The following CCDC47 variants were observed in gnomAD, a reference collection of about 807,000 sequenced individuals.
The protein encoded by CCDC47 is PAT complex subunit CCDC47.
In CCDC47, 41 loss-of-function variants were observed where a neutral mutation model predicts 60.5. That is an observed-to-expected ratio of 0.68 (90% CI 0.53 to 0.88). The LOEUF is 0.88. CCDC47 is among the 40% of genes least tolerant of loss of function. The pLI is 0.00. For synonymous variants in CCDC47, 195 were observed against 190.7 expected, an observed-to-expected ratio of 1.02 and a Z score of -0.18; for missense variants, 513 against 580.9, an observed-to-expected ratio of 0.88 and a Z score of 1.20.
chr17:63,746,661 G>A lies in CCDC47; in HGVS notation c.*220C>T. On this transcript the variant is annotated 3_prime_UTR_variant, in exon 13 of 13. Coordinates refer to ENST00000225726, the MANE Select transcript of CCDC47 (RefSeq NM_020198.3). The stretch of plus-strand genomic sequence containing the variant: ...TTTTATAAAATAATCAAAATAATTT[G>A]ATTATCTGGAAAAAAAAATTCTTGA... 2.3e-6 allele frequency: 1 copy of A among 426,774 alleles called. No homozygotes were observed. Among genetic ancestry groups the A allele is most frequent in the Non-Finnish European group, 4.2e-6 (1 of 238,184 alleles). 26.4% of individuals were successfully genotyped at this position (426,774 alleles called of 1,614,324 possible). A position where few individuals can be genotyped will look rare whatever the true frequency, so the allele number is the denominator to read the frequency against.
chr17:63,766,637 T>C (rs2039299976), intron 1 of CCDC47: 1 of 166,210 alleles, frequency 6.0e-6, no homozygotes, highest in Admixed American at 6.5e-5. Flanking sequence ...TTGGCCAGGC[T>C]AGTTGTGAAC....
At chr17:63,747,977 C>T (rs11651586) in intron 12 of CCDC47, 37,465 of 162,098 alleles carry the variant, frequency 0.23, 4,605 homozygotes, top group Middle Eastern at 0.33. Flanking sequence ...GCCTTAGCCT[C>T]CCGAGTAGCT....
chr17:63,756,846 T>C (rs1297658119), intron 6 of CCDC47, among the ~76,000 whole-genome samples: 1 of 152,116 alleles, frequency 6.6e-6, no homozygotes, highest in Non-Finnish European at 1.5e-5. Context: ...TAGCCCTACT[T>C]GAAGAAGAAA....
intron 12 of CCDC47, among the ~76,000 whole-genome samples, chr17:63,748,300 A>G (rs1005620970): frequency 6.6e-6 from 1 of 151,942 alleles, no homozygotes; most frequent in Admixed American, 6.6e-5. Flanking sequence ...CTTAGTAGAG[A>G]TGGGGTTTCA....
chr17:63,769,424 A>C (rs1310140961), intron 1 of CCDC47, among the ~76,000 whole-genome samples: 1 of 151,458 alleles, frequency 6.6e-6, no homozygotes, highest in Admixed American at 6.6e-5. Flanking sequence ...GGCCAGCCTG[A>C]CCAACATGGT....
At position 63,761,343 on chromosome 17, in the gene CCDC47, C is replaced by T. The variant is rs764243092; in HGVS notation, c.556G>A (p.Gly186Arg). 6.2e-7 allele frequency: 1 copy of T among 1,613,858 alleles called. No individual in the cohort carries two copies. The highest frequency in any genetic ancestry group is 1.3e-5 in the African/African-American group (1 of 74,954). The change falls in exon 5 of 13, where the codon GGA (glycine) becomes AGA (arginine). Residue 186 changes from glycine to arginine, a missense_variant. Transcript: ENST00000225726. ...GTGCTTGTGGCTTCTTTGTTAGTTCCATCATCCCCTAGGGGTAAAACCACT... is the reference window on the plus strand; with the variant it reads ...GTGCTTGTGGCTTCTTTGTTAGTTCTATCATCCCCTAGGGGTAAAACCACT... Reference protein sequence around the residue: ...ESNFTLVGDDGTNKEATSTGK... With the variant: ...ESNFTLVGDDRTNKEATSTGK...
At chr17:63,752,909 G>T in intron 9 of CCDC47, 110 bp from the exon 10 acceptor site, 1 of 1,432,424 alleles carries the variant, frequency 7.0e-7, no homozygotes, top group Non-Finnish European at 9.2e-7. Context: ...AATCAGCACA[G>T]TATTTGGCTT....
At chr17:63,760,887 C>G in intron 6 of CCDC47, 27 bp downstream of exon 6, 2 of 1,511,166 alleles carry the variant, frequency 1.3e-6, no homozygotes, top group Non-Finnish European at 1.8e-6. Context: ...AGTCTGTACA[C>G]AGAAAACCAG....
chr17:63,769,010 G>A (rs781578190), intron 1 of CCDC47, among the ~76,000 whole-genome samples: 1 of 151,750 alleles, frequency 6.6e-6, no homozygotes, highest in Non-Finnish European at 1.5e-5. Context: ...CTTGAACCTG[G>A]GAGGCAGAGG....
At chr17:63,763,980 C>T in intron 4 of CCDC47, 36 bp downstream of exon 4, 1 of 1,535,752 alleles carries the variant, frequency 6.5e-7, no homozygotes, top group African/African-American at 1.4e-5. Flanking sequence ...AGATTGTTTT[C>T]AAGCAAGAAG....
chr17:63,752,452 C>T (rs745552337), intron 10 of CCDC47, 23 bp from the exon 11 acceptor site: 2 of 1,501,772 alleles, frequency 1.3e-6, no homozygotes, highest in Non-Finnish European at 1.8e-6. Context: ...GCCATTTTTC[C>T]TACTGAGTTA....
rs1300939251 is a variant in CCDC47, at chr17:63,746,345, TTACTACA to T, written c.*529_*535del. The T allele has an allele frequency of 1.3e-5, 2 of 152,772 alleles. No individual in the cohort carries two copies. The highest frequency in any genetic ancestry group is 4.8e-5 in the African/African-American group (2 of 41,464). The allele number at this position is 152,772 out of a possible 1,614,324, so 9.5% of individuals were successfully genotyped here. ...TATGTTCTGGGTCCCTGAAATTTCA[TTACTACA>T]TACAGTGTTCTAATTTTTACTTTTT... On this transcript the variant is annotated 3_prime_UTR_variant, in exon 13 of 13. Transcript: ENST00000225726.
At chr17:63,750,922 T>C (rs2039158702) in intron 12 of CCDC47, among the ~76,000 whole-genome samples, 1 of 150,822 alleles carries the variant, frequency 6.6e-6, no homozygotes, top group Admixed American at 6.6e-5. Flanking sequence ...CTGCCCAGGC[T>C]AGAGTGCAGT....
intron 1 of CCDC47, among the ~76,000 whole-genome samples, chr17:63,771,039 AG>A (rs1360432598): frequency 1.9e-4 from 28 of 144,216 alleles, no homozygotes; most frequent in African/African-American, 6.7e-4. Context: ...GAAGGAAGGA[AG>A]GAAGGAAGAA....
intron 12 of CCDC47, among the ~76,000 whole-genome samples, chr17:63,748,664 T>A (rs2039138519): frequency 6.6e-6 from 1 of 152,164 alleles, no homozygotes; most frequent in Non-Finnish European, 1.5e-5. Context: ...CAATATCATG[T>A]ATAAGAAATA....
rs1467473301 is a variant in CCDC47, at chr17:63,746,382, A to T, written c.*499T>A. ...GTGTTCTAATTTTTACTTTTTCTCA[A>T]GTTTAATGTAGACATACAAGAAAAC... On this transcript the variant is annotated 3_prime_UTR_variant, in exon 13 of 13. Transcript: ENST00000225726. 1.3e-5 allele frequency: 2 copies of T among 153,300 alleles called. No individual in the cohort carries two copies. Among genetic ancestry groups the T allele is most frequent in the African/African-American group, 4.8e-5 (2 of 41,418 alleles). 9.5% of individuals were successfully genotyped at this position (153,300 alleles called of 1,614,324 possible). A position where few individuals can be genotyped will look rare whatever the true frequency, so the allele number is the denominator to read the frequency against.
intron 4 of CCDC47, chr17:63,761,847 A>G: frequency 3.1e-6 from 3 of 968,260 alleles, no homozygotes; most frequent in Non-Finnish European, 3.7e-6. Context: ...TTTTACTTTT[A>G]AAACTATTGT....
At chr17:63,773,062 A>G (rs2039362454) in intron 1 of CCDC47, among the ~76,000 whole-genome samples, 1 of 152,236 alleles carries the variant, frequency 6.6e-6, no homozygotes, top group African/African-American at 2.4e-5. Context: ...GTATTCTGGA[A>G]ATCATGCAGA....
intron 12 of CCDC47, chr17:63,747,423 T>C (rs891934163): frequency 1.2e-5 from 12 of 984,048 alleles, no homozygotes; most frequent in Non-Finnish European, 1.4e-5. Flanking sequence ...ACAGACACCA[T>C]ACCTGCACAT....
Sources: gnomAD v4.1 joint callset for allele counts (sites outside exome capture counted in the v4.1 genomes callset) on GRCh38, gnomAD v4.1.1 for gene constraint, MANE v1.5 for transcripts, NCBI Gene and HGNC (gene_info 2026-07-23, HGNC 2026-07-21) for gene names.